TSPAN14: variants seen among roughly 807,000 people sequenced by gnomAD.
TSPAN14 encodes tetraspanin-14.
Under a neutral mutation model 36.6 loss-of-function variants are expected in TSPAN14, and 16 were observed. The ratio of observed to expected loss-of-function variants is 0.44; its 90% CI spans 0.30 to 0.66. The LOEUF is 0.66. Among genes scored for constraint, TSPAN14 ranks in the 30% least tolerant of loss-of-function variants. TSPAN14 has a pLI of 0.12. For missense variants in TSPAN14, 231 were observed against 355.1 expected, an observed-to-expected ratio of 0.65 and a Z score of 2.81; for synonymous variants, 139 against 143.8, an observed-to-expected ratio of 0.97 and a Z score of 0.24.
chr10:80,492,153 G>A (rs1410369450), intron 2 of TSPAN14, among the ~76,000 whole-genome samples: 2 of 152,170 alleles, frequency 1.3e-5, no homozygotes, highest in Non-Finnish European at 2.9e-5. Flanking sequence ...AATGTATAAA[G>A]TGGAATGCCC....
chr10:80,520,600 C>G, exon 9 of TSPAN14: 2 of 533,116 alleles, frequency 3.8e-6, no homozygotes, highest in Non-Finnish European at 7.7e-6. Flanking sequence ...GGTCCACCCC[C>G]TCTCAGGATC....
exon 9 of TSPAN14, chr10:80,520,379 G>C (rs1326031311): frequency 1.0e-5 from 4 of 394,864 alleles, no homozygotes; most frequent in Non-Finnish European, 2.0e-5. Context: ...GATGAGAGCC[G>C]GTCACGTGGC....
At chr10:80,493,822 G>C (rs1674293472) in intron 2 of TSPAN14, among the ~76,000 whole-genome samples, 1 of 152,220 alleles carries the variant, frequency 6.6e-6, no homozygotes, top group African/African-American at 2.4e-5. Context: ...GAAGCTGGGA[G>C]AGGCGTACAC....
intron 2 of TSPAN14, among the ~76,000 whole-genome samples, chr10:80,495,764 C>T (rs1332149332): frequency 1.3e-5 from 2 of 152,102 alleles, no homozygotes; most frequent in Admixed American, 6.5e-5. Flanking sequence ...TTATAATGAT[C>T]ACTTCTGTTG....
At chr10:80,499,042 G>A (rs1848351103) in intron 2 of TSPAN14, among the ~76,000 whole-genome samples, 1 of 152,224 alleles carries the variant, frequency 6.6e-6, no homozygotes, top group African/African-American at 2.4e-5. Context: ...TGATCTTGCT[G>A]AGGAAAGGCC....
rs1401403696 is a variant in TSPAN14 at position 80,476,428 on chromosome 10, T to G, written c.-17-12789T>G. On this transcript the variant is annotated intron_variant, in intron 1 of 8. Transcript: ENST00000429989. ...TTTACTGTTTTTTTTTTTTTTTTTT[T>G]TTTTTGAGACGGAGTCTTGCTCTGT... Among the ~76,000 whole-genome samples, 5 of 142,958 alleles carry G rather than the reference T, an allele frequency of 3.5e-5. No individual in the cohort carries two copies. In the East Asian group the frequency reaches 1.0e-3, roughly 30 times the overall value. The allele number at this position is 142,958 out of a possible 152,430, so 93.8% of individuals were successfully genotyped here.
At chr10:80,500,812 C>A (rs1345768170) in intron 2 of TSPAN14, among the ~76,000 whole-genome samples, 1 of 152,186 alleles carries the variant, frequency 6.6e-6, no homozygotes, top group African/African-American at 2.4e-5. Flanking sequence ...GAGCGGTAAG[C>A]GGCCCTACAG....
intron 1 of TSPAN14, among the ~76,000 whole-genome samples, chr10:80,467,517 T>C (rs1846308319): frequency 6.6e-6 from 1 of 152,152 alleles, no homozygotes; most frequent in Admixed American, 6.5e-5. Context: ...CAGAGGAACT[T>C]TGGGAACATT....
intron 4 of TSPAN14, 100 bp downstream of exon 4, chr10:80,507,474 T>C (rs1840362046): frequency 6.5e-7 from 1 of 1,531,480 alleles, no homozygotes; most frequent in African/African-American, 1.4e-5. Context: ...TGGCAGCTCT[T>C]AGGAGCCTCC....
chr10:80,488,420 C>T (rs546005769), intron 1 of TSPAN14, among the ~76,000 whole-genome samples: 1 of 152,326 alleles, frequency 6.6e-6, no homozygotes, highest in South Asian at 2.1e-4. Flanking sequence ...ACAGTGGCCC[C>T]ACCCTTCACT....
intron 2 of TSPAN14, among the ~76,000 whole-genome samples, chr10:80,503,870 G>A (rs1414245077): frequency 1.3e-5 from 2 of 152,158 alleles, no homozygotes. Flanking sequence ...GTGGTGTAAA[G>A]TAGTCACAGA....
intron 2 of TSPAN14, 44 bp from the exon 3 acceptor site, chr10:80,504,684 G>A: frequency 6.2e-7 from 1 of 1,613,284 alleles, no homozygotes; most frequent in East Asian, 2.2e-5. Flanking sequence ...CACAGTGCTG[G>A]TTTCCAACCT....
In TSPAN14 at chr10:80,509,764, C is replaced by A; in HGVS notation, c.450+293C>A. On this transcript the variant is annotated intron_variant, in intron 5 of 8. Transcript: ENST00000429989. This position sits in a 1 kb window ranked among gnomAD's most constrained non-coding sequence, Gnocchi z 4.7. ...CTCCTCTTTCGGCCCCAGATCTTTC[C>A]AATCCTGCCCAATAGCCATACCAGC... The A allele has an allele frequency of 2.6e-6, 1 of 389,628 alleles. No individual in the cohort carries two copies. The highest frequency in any genetic ancestry group is 2.8e-5 in the South Asian group (1 of 35,134). The allele number at this position is 389,628 out of a possible 1,614,324, so 24.1% of individuals were successfully genotyped here.
At chr10:80,505,473 T>A (rs1466423812) in intron 3 of TSPAN14, among the ~76,000 whole-genome samples, 1 of 152,154 alleles carries the variant, frequency 6.6e-6, no homozygotes, top group Non-Finnish European at 1.5e-5. Flanking sequence ...GGAGCAGGCC[T>A]GGCCAGAAAG....
intron 1 of TSPAN14, chr10:80,468,791 C>G (rs890975867): frequency 2.6e-5 from 4 of 151,394 alleles, no homozygotes; most frequent in African/African-American, 9.7e-5. Context: ...TCACTACACC[C>G]TTTATCTCCT....
chr10:80,478,665 A>G (rs1348822293), intron 1 of TSPAN14, among the ~76,000 whole-genome samples: 1 of 152,186 alleles, frequency 6.6e-6, no homozygotes, highest in Admixed American at 6.5e-5. Context: ...ATCTGAATAT[A>G]GGAGGTGGGG....
chr10:80,477,828 T>C (rs1344420453), intron 1 of TSPAN14, among the ~76,000 whole-genome samples: 1 of 152,196 alleles, frequency 6.6e-6, no homozygotes, highest in Non-Finnish European at 1.5e-5. Context: ...TCTAACCCCT[T>C]TTAGCTTCTA....
chr10:80,482,608 T>TG (rs983127886), intron 1 of TSPAN14, among the ~76,000 whole-genome samples: 5 of 151,190 alleles, frequency 3.3e-5, no homozygotes, highest in Non-Finnish European at 7.4e-5. Flanking sequence ...TCATTTTAGT[T>TG]GTGCATGTGA....
intron 1 of TSPAN14, among the ~76,000 whole-genome samples, chr10:80,469,360 TC>T (rs1238090492): frequency 6.6e-6 from 1 of 152,132 alleles, no homozygotes; most frequent in Non-Finnish European, 1.5e-5. Context: ...AAATAAATAG[TC>T]CAGAAGAGGG....
Sources: allele counts gnomAD v4.1 joint callset (sites outside exome capture counted in the v4.1 genomes callset), GRCh38; gene constraint gnomAD v4.1.1; non-coding constraint Gnocchi (gnomAD v3.1); transcripts MANE v1.5; gene names NCBI Gene and HGNC (gene_info 2026-07-23, HGNC 2026-07-21).